Variants in PACRG observed in about 807,000 individuals in gnomAD.
PACRG encodes parkin coregulated gene protein.
Under a neutral mutation model 29.7 loss-of-function variants are expected in PACRG, and 29 were observed. The observed-to-expected ratio is 0.98, with a 90% CI of 0.73 to 1.33. The LOEUF (loss-of-function observed/expected upper bound fraction) is 1.33. Among genes scored for constraint, PACRG ranks in the 40% most tolerant of loss-of-function variants. The probability of loss-of-function intolerance (pLI) is 0.00; values close to 1 mark genes in which losing one functional copy is unlikely to be tolerated. For missense variants in PACRG, 279 were observed against 316.2 expected (o/e 0.88, Z 0.89); for synonymous variants, 116 against 118.7 (o/e 0.98, Z 0.15).
chr6:163,049,533 A>C (rs1809768129), intron 2 of PACRG, among the ~76,000 whole-genome samples: 1 of 152,074 alleles, frequency 6.6e-6, no homozygotes, highest in Non-Finnish European at 1.5e-5. Flanking sequence ...TTGTCATGGC[A>C]AAAGAAAAAA....
At chr6:163,124,076 G>A (rs545715011) in intron 4 of PACRG, among the ~76,000 whole-genome samples, 3 of 152,298 alleles carry the variant, frequency 2.0e-5, no homozygotes, top group Admixed American at 2.0e-4. Context: ...TTCCATAGTG[G>A]CAGCAGTATG....
At chr6:163,188,097 G>C (rs1478068742) in intron 4 of PACRG, among the ~76,000 whole-genome samples, 1 of 152,170 alleles carries the variant, frequency 6.6e-6, no homozygotes, top group Non-Finnish European at 1.5e-5. Flanking sequence ...GGGTTTATAT[G>C]AGTATCTTTT....
chr6:162,773,322 A>G (rs1295734277), intron 1 of PACRG, among the ~76,000 whole-genome samples: 1 of 152,146 alleles, frequency 6.6e-6, no homozygotes, highest in Non-Finnish European at 1.5e-5. Context: ...TGGTTTTCAT[A>G]AATGATTATA....
intron 1 of PACRG, among the ~76,000 whole-genome samples, chr6:162,795,956 T>C (rs916589374): frequency 1.3e-5 from 2 of 152,210 alleles, no homozygotes; most frequent in Non-Finnish European, 2.9e-5. Context: ...TAAGTTTCTA[T>C]GTTACTTACC....
At chr6:163,022,417 C>T (rs758481420) in intron 2 of PACRG, among the ~76,000 whole-genome samples, 2 of 152,174 alleles carry the variant, frequency 1.3e-5, no homozygotes, top group Non-Finnish European at 2.9e-5. Flanking sequence ...CTGAAGGCTG[C>T]CGAGATAAAA....
intron 4 of PACRG, among the ~76,000 whole-genome samples, chr6:163,244,024 T>G (rs1782601873): frequency 6.6e-6 from 1 of 152,232 alleles, no homozygotes; most frequent in South Asian, 2.1e-4. Flanking sequence ...AGTCTTTAAT[T>G]TGACACAGAG....
intron 2 of PACRG, among the ~76,000 whole-genome samples, chr6:163,037,038 A>G (rs1335406489): frequency 6.6e-6 from 1 of 152,212 alleles, no homozygotes; most frequent in South Asian, 2.1e-4. Context: ...GTGTGCATGC[A>G]TGTGTGTACA....
chr6:162,918,918 AT>A (rs1796878798), intron 2 of PACRG, among the ~76,000 whole-genome samples: 1 of 152,138 alleles, frequency 6.6e-6, no homozygotes, highest in Non-Finnish European at 1.5e-5. Flanking sequence ...ATATTAACTG[AT>A]TGATATTTAA....
At chr6:162,916,484 C>A (rs1796703298) in intron 2 of PACRG, among the ~76,000 whole-genome samples, 1 of 152,062 alleles carries the variant, frequency 6.6e-6, no homozygotes, top group South Asian at 2.1e-4. Flanking sequence ...TAATCTTTTT[C>A]TCCTTCCCTT....
At chr6:162,767,740 A>G (rs948249023) in intron 1 of PACRG, among the ~76,000 whole-genome samples, 6 of 151,942 alleles carry the variant, frequency 3.9e-5, no homozygotes, top group Non-Finnish European at 8.8e-5. Flanking sequence ...TATTATTTTT[A>G]ACTGATTACT....
chr6:163,119,783 C>A (rs2128323983), intron 4 of PACRG, among the ~76,000 whole-genome samples: 1 of 152,260 alleles, frequency 6.6e-6, no homozygotes, highest in Non-Finnish European at 1.5e-5. Context: ...GCTGAGAAAA[C>A]AATCCCCCCA....
At position 163,065,383 on chromosome 6, in the gene PACRG, C is replaced by T. The variant is rs1308563307; in HGVS notation, c.463+3062C>T. ...CTCCATCCAGTAGGAAAAGACAAAT[C>T]CTTCTCAATCCATCAGAGTGAAACC... On this transcript the variant is annotated intron_variant, in intron 3 of 4. Transcript: ENST00000366888. Among the ~76,000 whole-genome samples, 4 of 152,234 alleles carry T rather than the reference C, an allele frequency of 2.6e-5. No individual in the cohort carries two copies. The South Asian group carries it at 8.3e-4, about 32-fold the overall frequency.
At chr6:162,870,087 T>A (rs1792671912) in intron 2 of PACRG, among the ~76,000 whole-genome samples, 1 of 152,190 alleles carries the variant, frequency 6.6e-6, no homozygotes, top group Non-Finnish European at 1.5e-5. Context: ...ATGGAGACAT[T>A]CCTGGGAGCC....
chr6:163,269,059 G>A (rs968834628), intron 4 of PACRG, among the ~76,000 whole-genome samples: 7 of 152,194 alleles, frequency 4.6e-5, no homozygotes, highest in African/African-American at 7.2e-5. Flanking sequence ...AGATCCTATC[G>A]AGAGTGTCAA....
At chr6:162,798,503 T>TC (rs1360460904) in intron 1 of PACRG, among the ~76,000 whole-genome samples, 3 of 152,342 alleles carry the variant, frequency 2.0e-5, no homozygotes, top group African/African-American at 4.8e-5. Flanking sequence ...GGTCAGTTTT[T>TC]CTCCTAATTT....
chr6:162,960,107 G>A (rs1301712857), intron 2 of PACRG, among the ~76,000 whole-genome samples: 3 of 152,068 alleles, frequency 2.0e-5, no homozygotes, highest in South Asian at 2.1e-4. Flanking sequence ...AAAAAACAAC[G>A]GATGCTGGTG....
At chr6:162,933,885 T>C (rs1257991359) in intron 2 of PACRG, among the ~76,000 whole-genome samples, 1 of 152,110 alleles carries the variant, frequency 6.6e-6, no homozygotes, top group African/African-American at 2.4e-5. Flanking sequence ...TGTGCAGAGA[T>C]TACATAGTGA....
intron 2 of PACRG, among the ~76,000 whole-genome samples, chr6:162,909,283 C>CG (rs377348145): frequency 6.6e-6 from 1 of 151,988 alleles, no homozygotes; most frequent in Non-Finnish European, 1.5e-5. Flanking sequence ...TGGCCAGGCG[C>CG]GGGGGCTCAT....
intron 4 of PACRG, among the ~76,000 whole-genome samples, chr6:163,291,503 C>T (rs1417705798): frequency 6.6e-6 from 1 of 152,280 alleles, no homozygotes; most frequent in African/African-American, 2.4e-5. Flanking sequence ...GGCCAGAGAC[C>T]CGGATGCAAC....
Sources: gnomAD v4.1 joint callset for allele counts (sites outside exome capture counted in the v4.1 genomes callset) on GRCh38, gnomAD v4.1.1 for gene constraint, MANE v1.5 for transcripts, NCBI Gene and HGNC (gene_info 2026-07-23, HGNC 2026-07-21) for gene names.